The following FOXP2 variants were observed in gnomAD, a reference collection of about 807,000 sequenced individuals.
The protein encoded by FOXP2 is forkhead box protein P2.
In FOXP2, 12 loss-of-function variants were observed where a neutral mutation model predicts 115.8. That is an observed-to-expected ratio of 0.10 (90% CI 0.07 to 0.17). The LOEUF (loss-of-function observed/expected upper bound fraction) is 0.17. Ranked by LOEUF, FOXP2 falls within the 10% of genes least tolerant of loss-of-function variation. The probability of loss-of-function intolerance (pLI) is 1.00; values close to 1 mark genes in which losing one functional copy is unlikely to be tolerated. For missense variants in FOXP2, 629 were observed against 843.5 expected (o/e 0.75, Z 3.15); for synonymous variants, 328 against 297.7 (o/e 1.10, Z -1.05).
chr7:114,184,236 T>G (rs2129155775), intron 1 of FOXP2, among the ~76,000 whole-genome samples: 1 of 152,230 alleles, frequency 6.6e-6, no homozygotes, highest in Admixed American at 6.5e-5. Flanking sequence ...TCTGAGTTGG[T>G]TATTTGACAG....
chr7:114,106,984 A>C (rs1791135257), intron 1 of FOXP2, among the ~76,000 whole-genome samples: 2 of 152,028 alleles, frequency 1.3e-5, no homozygotes, highest in African/African-American at 4.8e-5. Context: ...AAAATTTAAG[A>C]GATCCCTACT....
intron 2 of FOXP2, among the ~76,000 whole-genome samples, chr7:114,289,018 A>G (rs1796530904): frequency 6.6e-6 from 1 of 151,798 alleles, no homozygotes; most frequent in Admixed American, 6.6e-5. Context: ...AAATTTCTCT[A>G]GCAATTTCTA....
chr7:114,168,788 C>T (rs946459398), intron 1 of FOXP2, among the ~76,000 whole-genome samples: 2 of 152,066 alleles, frequency 1.3e-5, no homozygotes, highest in African/African-American at 4.8e-5. Flanking sequence ...GCCAGGAAGC[C>T]TAGGAGGAGA....
At chr7:114,417,788 TG>T (rs1793413666) in intron 1 of FOXP2, among the ~76,000 whole-genome samples, 2 of 151,950 alleles carry the variant, frequency 1.3e-5, no homozygotes, top group Admixed American at 1.3e-4. Context: ...ATACGAACTA[TG>T]AAACCTTTTT....
intron 2 of FOXP2, among the ~76,000 whole-genome samples, chr7:114,510,655 G>A (rs1038429394): frequency 6.6e-6 from 1 of 152,166 alleles, no homozygotes; most frequent in African/African-American, 2.4e-5. Context: ...ACCACAATGA[G>A]ATACCATTTC....
chr7:114,214,344 A>C (rs1394560062), intron 1 of FOXP2, among the ~76,000 whole-genome samples: 1 of 152,192 alleles, frequency 6.6e-6, no homozygotes, highest in Non-Finnish European at 1.5e-5. Context: ...TAAAATTATG[A>C]CTTAAACAGC....
At chr7:114,558,556 T>C (rs1461207954) in intron 3 of FOXP2, among the ~76,000 whole-genome samples, 1 of 152,174 alleles carries the variant, frequency 6.6e-6, no homozygotes, top group Non-Finnish European at 1.5e-5. Flanking sequence ...TGTTTGACTT[T>C]ATGGGACTGT....
At chr7:114,596,713 T>C (rs1438836445) in intron 3 of FOXP2, among the ~76,000 whole-genome samples, 1 of 152,056 alleles carries the variant, frequency 6.6e-6, no homozygotes, top group African/African-American at 2.4e-5. Flanking sequence ...CTGATAAAGC[T>C]CTCCCCTCCA....
intron 3 of FOXP2, among the ~76,000 whole-genome samples, chr7:114,590,697 AAT>A (rs559125730): frequency 3.3e-5 from 5 of 152,132 alleles, no homozygotes; most frequent in Non-Finnish European, 7.4e-5. Flanking sequence ...GTTTGACAAT[AAT>A]ATATTGTAAG....
chr7:114,355,321 A>T (rs368804312), intron 2 of FOXP2, among the ~76,000 whole-genome samples: 2 of 152,222 alleles, frequency 1.3e-5, no homozygotes, highest in South Asian at 4.2e-4. Flanking sequence ...TCTCACTTTG[A>T]TTTCCCTGTC....
At chr7:114,101,624 T>C (rs1379110267) in intron 1 of FOXP2, among the ~76,000 whole-genome samples, 1 of 152,078 alleles carries the variant, frequency 6.6e-6, no homozygotes, top group South Asian at 2.1e-4. Context: ...TGGGGAATAG[T>C]GTCATGCTCA....
At chr7:114,158,708 A>G (rs796361764), upstream of FOXP2, among the ~76,000 whole-genome samples, 3 of 152,108 alleles carry the variant, frequency 2.0e-5, no homozygotes, top group South Asian at 2.1e-4. Context: ...TAACGACTAC[A>G]TGCAAAAATT....
intron 13 of FOXP2, chr7:114,661,733 G>A (rs1483462422): frequency 1.8e-5 from 6 of 340,484 alleles, no homozygotes; most frequent in African/African-American, 8.6e-5. Flanking sequence ...CTTGATCAGG[G>A]ACACAACAGA....
At chr7:114,587,502 C>G (rs1802199938) in intron 3 of FOXP2, among the ~76,000 whole-genome samples, 1 of 152,072 alleles carries the variant, frequency 6.6e-6, no homozygotes, top group African/African-American at 2.4e-5. Context: ...TTTATCCCGT[C>G]TATCATTGAT....
chr7:114,622,420 T>G (rs760134574), intron 3 of FOXP2, among the ~76,000 whole-genome samples: 36 of 151,902 alleles, frequency 2.4e-4, no homozygotes, highest in South Asian at 4.2e-4. Flanking sequence ...CAGCGAAGAA[T>G]AAGAACCAGG....
At chr7:114,176,973 C>CT (rs1033961411) in intron 1 of FOXP2, among the ~76,000 whole-genome samples, 22 of 152,156 alleles carry the variant, frequency 1.4e-4, no homozygotes, top group African/African-American at 5.3e-4. Context: ...TGTGTCTGGG[C>CT]TTTTTTTCTC....
intron 2 of FOXP2, among the ~76,000 whole-genome samples, chr7:114,405,172 T>C (rs1055046322): frequency 6.6e-6 from 1 of 151,942 alleles, no homozygotes; most frequent in Non-Finnish European, 1.5e-5. Flanking sequence ...TAGTTTCCCT[T>C]ATACATTTAT....
At chr7:114,564,281 A>C (rs1006290871) in intron 3 of FOXP2, among the ~76,000 whole-genome samples, 2 of 151,612 alleles carry the variant, frequency 1.3e-5, no homozygotes, top group Non-Finnish European at 2.9e-5. Flanking sequence ...ATGAATTCCT[A>C]CTCATTTCTT....
chr7:114,403,714 C>T (rs1562906175), intron 2 of FOXP2, among the ~76,000 whole-genome samples: 1 of 152,066 alleles, frequency 6.6e-6, no homozygotes. Context: ...AGATATAAAT[C>T]CCTAGAAAAT....
Sources: allele counts gnomAD v4.1 joint callset (sites outside exome capture counted in the v4.1 genomes callset), GRCh38; gene constraint gnomAD v4.1.1; transcripts MANE v1.5; gene names NCBI Gene and HGNC (gene_info 2026-07-23, HGNC 2026-07-21).